TGFBRAP1: variants seen among roughly 807,000 people sequenced by gnomAD.
The protein encoded by TGFBRAP1 is transforming growth factor-beta receptor-associated protein 1.
Under a neutral mutation model 83.2 loss-of-function variants are expected in TGFBRAP1, and 20 were observed. The observed-to-expected ratio is 0.24, with a 90% confidence interval of 0.17 to 0.35. The LOEUF (loss-of-function observed/expected upper bound fraction) is 0.35, where lower values mean the gene tolerates loss of function less well. TGFBRAP1 is among the 10% of genes least tolerant of loss of function. The pLI is 1.00. For missense variants in TGFBRAP1, 950 were observed against 1,099.4 expected, an observed-to-expected ratio of 0.86 and a Z score of 1.92; for synonymous variants, 415 against 459.8, an observed-to-expected ratio of 0.90 and a Z score of 1.25.
rs371904719 is a variant in TGFBRAP1 at position 105,280,376 on chromosome 2, A to G, written c.1463+6T>C. ...GCCCTGATCATATCAGGAAGGGAACACTCACTTTTTGTGCTTCTCTAGCCA... is the reference window on the plus strand; with the variant it reads ...GCCCTGATCATATCAGGAAGGGAACGCTCACTTTTTGTGCTTCTCTAGCCA... On this transcript the variant is annotated splice_donor_region_variant and intron_variant, in intron 6 of 11. Coordinates refer to ENST00000393359, the MANE Select transcript of TGFBRAP1 (RefSeq NM_004257.6). 1.4e-5 allele frequency: 23 copies of G among 1,611,240 alleles called. No individual in the cohort carries two copies. The African/African-American group carries it at 3.1e-4, about 22-fold the overall frequency.
chr2:105,316,452 TGTGTGTGTGTGC>T (rs1678864178), intron 1 of TGFBRAP1, among the ~76,000 whole-genome samples: 2 of 76,360 alleles, frequency 2.6e-5, no homozygotes, highest in Non-Finnish European at 5.5e-5. Flanking sequence ...TGTGTGTGTG[TGTGTGTGTGTGC>T]GCGCGCGCGC....
the TGFBRAP1 span, among the ~76,000 whole-genome samples, chr2:105,258,776 G>GTC: frequency 7.4e-5 from 9 of 121,548 alleles, no homozygotes; most frequent in South Asian, 2.7e-4. Context: ...CACACACACT[G>GTC]TCTCTCTCTC....
chr2:105,276,238 G>A (rs543286950), intron 7 of TGFBRAP1, among the ~76,000 whole-genome samples: 3 of 152,354 alleles, frequency 2.0e-5, no homozygotes, highest in East Asian at 3.9e-4. Flanking sequence ...ATAGACTCCA[G>A]TGATAAAAGC....
At position 105,298,604 on chromosome 2, in the gene TGFBRAP1, C is replaced by T. The variant is rs1678167443; in HGVS notation, c.790G>A (p.Asp264Asn). Residue 264 changes from aspartate (D) to asparagine (N), a missense_variant, in exon 3 of 12, where the codon GAT (aspartate) becomes AAT (asparagine). Coordinates refer to ENST00000393359, the MANE Select transcript of TGFBRAP1 (RefSeq NM_004257.6). ...CTGTGGACTGTGATGAATTCGTCAT[C>T]GAGCGCTATGACGTATGGAAAGGAC... ...AVSFPYVIAL[D>N]DEFITVHSML... The T allele has an allele frequency of 1.9e-6, 3 of 1,614,092 alleles. No individual in the cohort carries two copies. Among genetic ancestry groups the T allele is most frequent in the Non-Finnish European group, 2.5e-6 (3 of 1,179,996 alleles).
At position 105,267,252 on chromosome 2, in the gene TGFBRAP1, C is replaced by T. The variant is rs994424670; in HGVS notation, c.*131G>A. The T allele has an allele frequency of 2.4e-5, 30 of 1,258,374 alleles. No homozygotes were observed. In the Admixed American group the frequency reaches 2.7e-4, roughly 11 times the overall value. The allele number at this position is 1,258,374 out of a possible 1,614,324, so 78.0% of individuals were successfully genotyped here. ...GCGAGGAGTCCTTGTTGCGTATGGA[C>T]GGAAGGCTCCCTGGCACCCAGATGT... On this transcript the variant is annotated 3_prime_UTR_variant, in exon 12 of 12. Coordinates refer to ENST00000393359, the MANE Select transcript of TGFBRAP1 (RefSeq NM_004257.6).
the TGFBRAP1 span, among the ~76,000 whole-genome samples, chr2:105,257,497 A>T: frequency 6.6e-6 from 1 of 152,154 alleles, no homozygotes; most frequent in Non-Finnish European, 1.5e-5. Flanking sequence ...GTCTCATAGA[A>T]GTGGAATCAC....
At chr2:105,272,755 C>A in intron 10 of TGFBRAP1, 100 bp downstream of exon 10, 1 of 1,453,458 alleles carries the variant, frequency 6.9e-7, no homozygotes, top group Non-Finnish European at 9.4e-7. Flanking sequence ...TCACCCTGTG[C>A]AATCAACCAG....
the TGFBRAP1 span, among the ~76,000 whole-genome samples, chr2:105,252,136 T>TA: frequency 6.6e-5 from 10 of 151,246 alleles, no homozygotes; most frequent in South Asian, 2.1e-4. Flanking sequence ...GAATGATCAA[T>TA]AAAAAAAATA....
In TGFBRAP1 at chr2:105,281,878, G is replaced by A. The variant is rs376696242; in HGVS notation, c.1122-1155C>T. Among the ~76,000 whole-genome samples, 28 of 152,072 alleles carry A rather than the reference G, an allele frequency of 1.8e-4. No individual in the cohort carries two copies. The South Asian group carries it at 2.9e-3, about 16-fold the overall frequency. On this transcript the variant is annotated intron_variant, in intron 5 of 11. Coordinates refer to ENST00000393359, the MANE Select transcript of TGFBRAP1 (RefSeq NM_004257.6). ...GAGACAATTTTATCATGACTGGGGC[G>A]GGGGTGTGCTATGGCATCTAGTAGG...
intron 6 of TGFBRAP1, 87 bp from the exon 7 acceptor site, chr2:105,277,758 C>G: frequency 8.1e-7 from 1 of 1,240,340 alleles, no homozygotes; most frequent in Non-Finnish European, 1.2e-6. Context: ...AGTCCAAGCT[C>G]CCCATATTCT....
chr2:105,285,550 C>T (rs900221897), intron 4 of TGFBRAP1, among the ~76,000 whole-genome samples: 5 of 152,218 alleles, frequency 3.3e-5, no homozygotes, highest in African/African-American at 9.6e-5. Context: ...CCTCCAGGTA[C>T]ACAGCAGGCA....
At chr2:105,317,567 T>C (rs1372616887) in intron 1 of TGFBRAP1, among the ~76,000 whole-genome samples, 1 of 152,164 alleles carries the variant, frequency 6.6e-6, no homozygotes, top group Non-Finnish European at 1.5e-5. Flanking sequence ...AATATTCTCA[T>C]GACCTTCTTA....
chr2:105,315,402 T>C (rs868077108), intron 1 of TGFBRAP1, among the ~76,000 whole-genome samples: 34 of 152,134 alleles, frequency 2.2e-4, no homozygotes, highest in African/African-American at 5.3e-4. Flanking sequence ...AATACTACAA[T>C]AATTAAGACA....
rs555027070 is a variant in TGFBRAP1, at chr2:105,327,514, G to A, written c.-18+2111C>T. Among the ~76,000 whole-genome samples the A allele has an allele frequency of 7.2e-5, 11 of 152,240 alleles. No individual in the cohort carries two copies. The East Asian group carries it at 2.1e-3, about 29-fold the overall frequency. The stretch of plus-strand genomic sequence containing the variant: ...GTCTGGGAGATCAAGACTGCAGTGA[G>A]CCATGGTCACACCACTGCACTCCAG... On this transcript the variant is annotated intron_variant, in intron 1 of 11. Coordinates refer to ENST00000393359, the MANE Select transcript of TGFBRAP1 (RefSeq NM_004257.6).
At chr2:105,260,622 G>A (rs1481293998), downstream of TGFBRAP1, among the ~76,000 whole-genome samples, 2 of 152,168 alleles carry the variant, frequency 1.3e-5, no homozygotes, top group Non-Finnish European at 2.9e-5. Flanking sequence ...GTTTAATGGG[G>A]ACAGGGTTTC....
intron 1 of TGFBRAP1, 87 bp from the exon 2 acceptor site, chr2:105,308,405 T>A: frequency 7.7e-7 from 1 of 1,291,404 alleles, no homozygotes; most frequent in South Asian, 1.6e-5. Context: ...GATTCCCTAG[T>A]TGTCATTTTC....
At chr2:105,306,068 G>T (rs13019343) in intron 2 of TGFBRAP1, among the ~76,000 whole-genome samples, 67,732 of 118,272 alleles carry the variant, frequency 0.57, 17,784 homozygotes, top group Admixed American at 0.64. Context: ...TTTGTTTTTT[G>T]TTTTTTTTTT....
intron 5 of TGFBRAP1, among the ~76,000 whole-genome samples, 166 bp from the exon 6 acceptor site, chr2:105,280,889 C>T (rs926918930): frequency 2.0e-5 from 3 of 152,156 alleles, no homozygotes; most frequent in Non-Finnish European, 4.4e-5. Flanking sequence ...TGAAGTGCAG[C>T]AAAGCACCAT....
At position 105,284,394 on chromosome 2, in the gene TGFBRAP1, A is replaced by G. The variant is rs781562689; in HGVS notation, c.1043T>C (p.Met348Thr). ...CGCCTGCTGCAGAATCCTTCTGTAC[A>G]TTACCTGCAAGGAAAGACGGGTGTA... ...RNIPKEKFQVMYRRILQQAGF... is the reference protein window; with the variant it reads ...RNIPKEKFQVTYRRILQQAGF... The change falls in exon 5 of 12, where the codon ATG becomes ACG. Residue 348 changes from methionine (M) to threonine (T), a missense_variant. Met to Thr is a moderately conservative substitution (Grantham distance 81). Coordinates refer to ENST00000393359, the MANE Select transcript of TGFBRAP1 (RefSeq NM_004257.6). The G allele has an allele frequency of 8.7e-6, 14 of 1,613,794 alleles. No individual in the cohort carries two copies. The highest frequency in any genetic ancestry group is 1.2e-5 in the Non-Finnish European group (14 of 1,179,868).
Sources: gnomAD v4.1 joint callset for allele counts (sites outside exome capture counted in the v4.1 genomes callset) on GRCh38, gnomAD v4.1.1 for gene constraint, MANE v1.5 for transcripts, NCBI Gene and HGNC (gene_info 2026-07-23, HGNC 2026-07-21) for gene names.